Variants in AMTN observed in about 807,000 individuals in gnomAD.
The protein encoded by AMTN is RSTI689.
A neutral mutation model predicts 27.4 loss-of-function variants in AMTN; 29 were observed. The observed-to-expected ratio is 1.06, with a 90% CI of 0.79 to 1.44. The LOEUF is 1.44. Among genes scored for constraint, AMTN ranks in the 40% most tolerant of loss-of-function variants. The pLI is 0.00. For missense variants in AMTN, 247 were observed against 248.8 expected, an observed-to-expected ratio of 0.99 and a Z score of 0.05; for synonymous variants, 86 against 95.7, an observed-to-expected ratio of 0.90 and a Z score of 0.59.
Position 70,518,626 on chromosome 4 carries a change from A to G in AMTN, c.-44A>G. 2 of 629,514 alleles carry G rather than the reference A, an allele frequency of 3.2e-6. No individual in the cohort carries two copies. The highest frequency in any genetic ancestry group is 2.8e-6 in the Non-Finnish European group (1 of 356,798). The allele number at this position is 629,514 out of a possible 1,614,324, so 39.0% of individuals were successfully genotyped here. ...TTGAGAAACCAACTGGACCTTGAGT[A>G]TTGTACATTTTGCCTCGTGGACCCA... On this transcript the variant is annotated 5_prime_UTR_variant, in exon 1 of 9. Transcript: ENST00000339336.
chr4:70,521,228 A>G (rs1033786644), intron 2 of AMTN, among the ~76,000 whole-genome samples: 8 of 152,164 alleles, frequency 5.3e-5, no homozygotes, highest in Admixed American at 3.9e-4. Context: ...AAAATACAAA[A>G]AATTAGCTGG....
In AMTN at chr4:70,522,735, T is replaced by G. The variant is rs1177253633; in HGVS notation, c.55-20T>G. 6.2e-7 allele frequency: 1 copy of G among 1,612,904 alleles called. No homozygotes were observed. The highest frequency in any genetic ancestry group is 1.1e-5 in the South Asian group (1 of 91,032). On this transcript the variant is annotated intron_variant, in intron 2 of 8. Transcript: ENST00000339336. The stretch of plus-strand genomic sequence containing the variant: ...AAACACATTCCTGCCTCATCAAATA[T>G]GTATTTGTTTTCACAAAAGCAGCTC...
chr4:70,518,963 A>T, intron 2 of AMTN, 132 bp downstream of exon 2: 2 of 755,876 alleles, frequency 2.6e-6, no homozygotes, highest in Non-Finnish European at 4.5e-6. Context: ...TCCAGTGTTT[A>T]TTTTCCAAGA....
rs1169894511 is a variant in AMTN at position 70,518,584 on chromosome 4, T to G, written c.-86T>G. 1 of 554,232 alleles carries G rather than the reference T, an allele frequency of 1.8e-6. No individual in the cohort carries two copies. Among genetic ancestry groups the G allele is most frequent in the East Asian group, 3.1e-5 (1 of 32,456 alleles). The allele number at this position is 554,232 out of a possible 1,614,324, so 34.3% of individuals were successfully genotyped here. ...CACATACATCATTGAAGGGTAAAAT[T>G]TTTCACCAGAGTAAACTTGAGAAAC... On this transcript the variant is annotated 5_prime_UTR_variant, in exon 1 of 9. The change creates a new upstream start codon in the 5' untranslated region. Transcript: ENST00000339336.
chr4:70,522,872 C>G (rs116013987), intron 3 of AMTN, 34 bp downstream of exon 3: 22 of 1,592,046 alleles, frequency 1.4e-5, no homozygotes, highest in Admixed American at 3.3e-5. Context: ...ATGTACAAAC[C>G]GGTAAAGAAA....
chr4:70,523,836 T>A lies in AMTN; in HGVS notation c.139-32T>A, dbSNP rs1736031276. ...CAGAGTAAGGGAAGCAGACAACCTC[T>A]TGTCTCATACATCACTTTCAATCCC... On this transcript the variant is annotated intron_variant, in intron 3 of 8. Transcript: ENST00000339336. The A allele has an allele frequency of 1.9e-6, 3 of 1,592,186 alleles. No individual in the cohort carries two copies. The Admixed American group carries it at 5.0e-5, about 27-fold the overall frequency.
intron 5 of AMTN, among the ~76,000 whole-genome samples, chr4:70,528,384 C>G (rs1200704998): frequency 1.3e-5 from 2 of 152,170 alleles, no homozygotes; most frequent in African/African-American, 4.8e-5. Flanking sequence ...GGCGAGGTGG[C>G]TCATGCCTGT....
In AMTN at chr4:70,531,181, C is replaced by T; in HGVS notation, c.500C>T (p.Thr167Ile). 1 of 1,613,958 alleles carries T rather than the reference C, an allele frequency of 6.2e-7. No homozygotes were observed. The highest frequency in any genetic ancestry group is 8.5e-7 in the Non-Finnish European group (1 of 1,179,968). ...GGTGTAAATCCTGCCACCCAGGGAA[C>T]CCCAGCAGGCCGCCTCCCAACTCCC... is the stretch of plus-strand genomic sequence containing the variant. ...GAGVNPATQG[T>I]PAGRLPTPSG... is the part of the protein sequence containing the mutation. Residue 167 changes from threonine to isoleucine, a missense_variant, in exon 8 of 9, where the codon ACC becomes ATC. Coordinates refer to ENST00000339336, the MANE Select transcript of AMTN (RefSeq NM_212557.4).
chr4:70,531,423 C>T (rs1736221969), intron 8 of AMTN, 123 bp downstream of exon 8: 7 of 1,291,950 alleles, frequency 5.4e-6, no homozygotes, highest in African/African-American at 1.5e-5. Context: ...AGCCCCTTTA[C>T]TCACTCACAG....
At chr4:70,523,585 A>T (rs1361778790) in intron 3 of AMTN, among the ~76,000 whole-genome samples, 1 of 152,234 alleles carries the variant, frequency 6.6e-6, no homozygotes, top group Admixed American at 6.5e-5. Context: ...TCGATATGTA[A>T]AATTAAGTAC....
intron 2 of AMTN, among the ~76,000 whole-genome samples, chr4:70,519,487 A>G (rs1010313335): frequency 4.7e-5 from 7 of 147,730 alleles, no homozygotes; most frequent in African/African-American, 1.7e-4. Context: ...AAAAATTACA[A>G]TATACTTGCT....
At chr4:70,522,352 G>A (rs995814884) in intron 2 of AMTN, among the ~76,000 whole-genome samples, 1 of 152,172 alleles carries the variant, frequency 6.6e-6, no homozygotes, top group Non-Finnish European at 1.5e-5. Context: ...GCAATAGTGG[G>A]AAGCTTCATG....
At chr4:70,528,486 T>C (rs1173926377) in intron 5 of AMTN, among the ~76,000 whole-genome samples, 2 of 152,056 alleles carry the variant, frequency 1.3e-5, no homozygotes, top group Admixed American at 1.3e-4. Flanking sequence ...CCGTCTCTAC[T>C]AAAAATATAA....
intron 2 of AMTN, among the ~76,000 whole-genome samples, chr4:70,521,358 C>G (rs1442347581): frequency 7.7e-6 from 1 of 130,166 alleles, no homozygotes; most frequent in Non-Finnish European, 1.6e-5. Context: ...CCAATCTGGA[C>G]AGCAGAACAA....
At chr4:70,530,488 C>T (rs1736197018) in intron 7 of AMTN, among the ~76,000 whole-genome samples, 1 of 152,150 alleles carries the variant, frequency 6.6e-6, no homozygotes. Context: ...CCCAGCAAAT[C>T]AGGATGGCAT....
rs776635978 is a variant in AMTN, at chr4:70,531,052, C to T, written c.371C>T (p.Thr124Met). 31 of 1,613,514 alleles carry T rather than the reference C, an allele frequency of 1.9e-5. No homozygotes were observed. Among genetic ancestry groups the T allele is most frequent in the African/African-American group, 1.1e-4 (8 of 74,912 alleles). ...LSSEELPQIF[T>M]SLIIHSLFPG... is the part of the protein sequence containing the mutation. ...CCCTCATTCCAGCCACAAATCTTCA[C>T]GAGCCTCATCATCCATTCCTTGTTC... The change falls in exon 8 of 9, where the codon ACG becomes ATG. Residue 124 changes from threonine (T) to methionine (M), a missense_variant. Coordinates refer to ENST00000339336, the MANE Select transcript of AMTN (RefSeq NM_212557.4).
Position 70,528,885 on chromosome 4 carries a change from TC to T in AMTN, c.330+128del. The T allele has an allele frequency of 5.2e-6, 4 of 769,112 alleles. No individual in the cohort carries two copies. The African/African-American group carries it at 7.3e-5, about 14-fold the overall frequency. 47.6% of individuals were successfully genotyped at this position (769,112 alleles called of 1,614,324 possible). A position where few individuals can be genotyped will look rare whatever the true frequency, so the allele number is the denominator to read the frequency against. On this transcript the variant is annotated intron_variant, in intron 6 of 8. Transcript: ENST00000339336. ...CTTTGTACTGTATGGACACTGATAATCACAAGAGCTTGCTTTCTGCATAAGT... is the reference window on the plus strand; with the variant it reads ...CTTTGTACTGTATGGACACTGATAATACAAGAGCTTGCTTTCTGCATAAGT...
intron 2 of AMTN, among the ~76,000 whole-genome samples, chr4:70,521,586 A>T (rs566030999): frequency 7.0e-6 from 1 of 143,568 alleles, no homozygotes; most frequent in Admixed American, 7.0e-5. Context: ...ATATATATGT[A>T]TATATAATCT....
At chr4:70,519,530 G>A (rs1735902569) in intron 2 of AMTN, among the ~76,000 whole-genome samples, 1 of 152,084 alleles carries the variant, frequency 6.6e-6, no homozygotes, top group Non-Finnish European at 1.5e-5. Flanking sequence ...AGCATACTTA[G>A]TTGGGCCTCA....
Sources: allele counts gnomAD v4.1 joint callset (sites outside exome capture counted in the v4.1 genomes callset), GRCh38; gene constraint gnomAD v4.1.1; transcripts MANE v1.5; gene names NCBI Gene and HGNC (gene_info 2026-07-23, HGNC 2026-07-21).